DNM3: variants seen among roughly 807,000 people sequenced by gnomAD.
The protein encoded by DNM3 is dynamin-3.
DNM3 carries 47 observed loss-of-function variants against 101.6 expected under a neutral mutation model. The ratio of observed to expected loss-of-function variants is 0.46; its 90% CI spans 0.37 to 0.59. DNM3 has a LOEUF of 0.59. Among genes scored for constraint, DNM3 ranks in the 20% least tolerant of loss-of-function variants. The probability of loss-of-function intolerance (pLI) is 0.00; values close to 1 mark genes in which losing one functional copy is unlikely to be tolerated. For synonymous variants in DNM3, 385 were observed against 387.9 expected, an observed-to-expected ratio of 0.99 and a Z score of 0.09; for missense variants, 849 against 1,085.7, an observed-to-expected ratio of 0.78 and a Z score of 3.06.
intron 4 of DNM3, among the ~76,000 whole-genome samples, chr1:172,000,234 C>T (rs986038117): frequency 4.6e-5 from 7 of 151,934 alleles, no homozygotes; most frequent in African/African-American, 1.7e-4. Flanking sequence ...TGTGGCATTC[C>T]AGAGGACAAG....
intron 17 of DNM3, among the ~76,000 whole-genome samples, chr1:172,372,978 C>G (rs1473901228): frequency 6.6e-6 from 1 of 151,830 alleles, no homozygotes; most frequent in Non-Finnish European, 1.5e-5. Flanking sequence ...GCCACCATGG[C>G]CTGTGATGAG....
intron 14 of DNM3, among the ~76,000 whole-genome samples, chr1:172,141,010 G>A (rs1025640168): frequency 2.0e-5 from 3 of 151,532 alleles, no homozygotes; most frequent in African/African-American, 7.3e-5. Context: ...TTTTAGTGTG[G>A]TTATTACACC....
intron 14 of DNM3, among the ~76,000 whole-genome samples, chr1:172,178,461 T>C (rs987260398): frequency 6.6e-6 from 1 of 151,898 alleles, no homozygotes; most frequent in African/African-American, 2.4e-5. Context: ...TTTTTACATA[T>C]ATGAAGTGAA....
chr1:172,092,725 A>AT lies in DNM3; in HGVS notation c.1494-89dup, dbSNP rs142381854. On this transcript the variant is annotated intron_variant, in intron 12 of 20. Transcript: ENST00000627582. The stretch of plus-strand genomic sequence containing the variant: ...TTTGGTATTAGGTCTGTCTCCATTG[A>AT]TTTTTTTTTTAAAGCCTGTATAAAT... 4,595 of 1,194,612 alleles carry AT rather than the reference A, an allele frequency of 3.8e-3. 1 individual carries two copies. The highest frequency in any genetic ancestry group is 6.0e-3 in the Middle Eastern group (29 of 4,832). The allele number at this position is 1,194,612 out of a possible 1,614,324, so 74.0% of individuals were successfully genotyped here. A position where few individuals can be genotyped will look rare whatever the true frequency, so the allele number is the denominator to read the frequency against.
At chr1:172,085,629 G>A (rs1425003596) in intron 12 of DNM3, among the ~76,000 whole-genome samples, 1 of 152,110 alleles carries the variant, frequency 6.6e-6, no homozygotes, top group African/African-American at 2.4e-5. Flanking sequence ...TCTCACAGTT[G>A]AAATGATACA....
At chr1:172,054,946 C>T (rs919799688) in intron 10 of DNM3, among the ~76,000 whole-genome samples, 6 of 151,550 alleles carry the variant, frequency 4.0e-5, no homozygotes, top group South Asian at 2.1e-4. Flanking sequence ...GCAACAACAG[C>T]GAGACTCCAT....
At chr1:172,117,465 T>C (rs2055996766) in intron 13 of DNM3, among the ~76,000 whole-genome samples, 2 of 152,116 alleles carry the variant, frequency 1.3e-5, no homozygotes, top group Admixed American at 1.3e-4. Flanking sequence ...AGTGAGTAAG[T>C]CTCTCAAAAT....
At chr1:172,114,764 G>C (rs2055766027) in intron 13 of DNM3, among the ~76,000 whole-genome samples, 1 of 152,148 alleles carries the variant, frequency 6.6e-6, no homozygotes, top group Non-Finnish European at 1.5e-5. Flanking sequence ...TCATGCTCTA[G>C]AGGGATGGAG....
At chr1:172,266,571 G>C (rs1305527625) in intron 15 of DNM3, among the ~76,000 whole-genome samples, 1 of 152,128 alleles carries the variant, frequency 6.6e-6, no homozygotes, top group Non-Finnish European at 1.5e-5. Flanking sequence ...CAATGTTTAA[G>C]ACATTACTTC....
At chr1:172,314,443 A>G (rs1378046401) in intron 16 of DNM3, among the ~76,000 whole-genome samples, 1 of 152,200 alleles carries the variant, frequency 6.6e-6, no homozygotes, top group Non-Finnish European at 1.5e-5. Flanking sequence ...GCATTGCCTC[A>G]CTCAGGAAGT....
intron 16 of DNM3, among the ~76,000 whole-genome samples, chr1:172,312,757 A>G (rs760571489): frequency 6.6e-6 from 1 of 152,226 alleles, no homozygotes; most frequent in Non-Finnish European, 1.5e-5. Context: ...CTTAATAGGA[A>G]TGCTAAGCCT....
intron 2 of DNM3, among the ~76,000 whole-genome samples, chr1:171,965,500 G>A (rs2043515524): frequency 6.6e-6 from 1 of 151,408 alleles, no homozygotes; most frequent in South Asian, 2.1e-4. Flanking sequence ...GCTATAGTGA[G>A]CCATGATTGT....
At chr1:172,336,803 G>C (rs2066452917) in intron 17 of DNM3, among the ~76,000 whole-genome samples, 1 of 151,786 alleles carries the variant, frequency 6.6e-6, no homozygotes, top group Non-Finnish European at 1.5e-5. Context: ...GAGTTTTAAA[G>C]TGCCAGTCAG....
At chr1:172,213,775 C>T (rs2060596664) in intron 14 of DNM3, among the ~76,000 whole-genome samples, 1 of 151,564 alleles carries the variant, frequency 6.6e-6, no homozygotes, top group Non-Finnish European at 1.5e-5. Flanking sequence ...TTGTGCTGAA[C>T]CAAGATCATG....
chr1:172,315,670 A>G (rs927565318), intron 16 of DNM3, among the ~76,000 whole-genome samples: 1 of 152,222 alleles, frequency 6.6e-6, no homozygotes, highest in African/African-American at 2.4e-5. Context: ...AAATGAAGTG[A>G]GAAGGGAAGT....
chr1:172,228,225 A>G (rs931728367), intron 14 of DNM3, among the ~76,000 whole-genome samples: 16 of 151,748 alleles, frequency 1.1e-4, no homozygotes, highest in Non-Finnish European at 1.9e-4. Context: ...TTTAACTTCA[A>G]TCTTCCCAAA....
rs113371845 is a variant in DNM3 at position 171,976,081 on chromosome 1, T to G, written c.236-11575T>G. ...GATTCAAAAAATGGATCTACACATA[T>G]GTAGACAATGGATTTTAGACAAAGG... On this transcript the variant is annotated intron_variant, in intron 2 of 20. Coordinates refer to ENST00000627582, the MANE Select transcript of DNM3 (RefSeq NM_015569.5). Among the ~76,000 whole-genome samples, 1,357 of 152,332 alleles carry G rather than the reference T, an allele frequency of 8.9e-3. 27 individuals carry two copies. The highest frequency in any genetic ancestry group is 0.031 in the African/African-American group (1,287 of 41,562).
At chr1:172,008,713 T>C (rs757054479) in intron 4 of DNM3, among the ~76,000 whole-genome samples, 1 of 148,516 alleles carries the variant, frequency 6.7e-6, no homozygotes, top group Non-Finnish European at 1.5e-5. Context: ...TACATGGGCA[T>C]CTTTTGTCTG....
intron 13 of DNM3, among the ~76,000 whole-genome samples, chr1:172,094,924 A>G (rs956559597): frequency 2.6e-5 from 4 of 152,232 alleles, no homozygotes; most frequent in Non-Finnish European, 5.9e-5. Context: ...ATGTAGGAAA[A>G]TCAATAGTAT....
Sources: allele counts gnomAD v4.1 joint callset (sites outside exome capture counted in the v4.1 genomes callset), GRCh38; gene constraint gnomAD v4.1.1; transcripts MANE v1.5; gene names NCBI Gene and HGNC (gene_info 2026-07-23, HGNC 2026-07-21).